Variants in AGBL3 observed in about 807,000 individuals in gnomAD.
The protein encoded by AGBL3 is cytosolic carboxypeptidase 3.
A neutral mutation model predicts 94.5 loss-of-function variants in AGBL3; 68 were observed. That is an observed-to-expected ratio of 0.72 (90% CI 0.59 to 0.88). AGBL3 has a LOEUF of 0.88. Ranked by LOEUF, AGBL3 falls within the 40% of genes least tolerant of loss-of-function variation. The pLI is 0.00. For missense variants in AGBL3, 934 were observed against 1,103.8 expected (o/e 0.85, Z 2.18); for synonymous variants, 354 against 370.7 (o/e 0.95, Z 0.52).
chr7:135,005,496 G>T (rs1210698892), intron 4 of AGBL3, among the ~76,000 whole-genome samples: 1 of 151,692 alleles, frequency 6.6e-6, no homozygotes, highest in Non-Finnish European at 1.5e-5. Flanking sequence ...CCATGTTCAT[G>T]ATTAGGACTC....
At chr7:135,068,367 T>A (rs1819559690) in intron 12 of AGBL3, among the ~76,000 whole-genome samples, 1 of 152,046 alleles carries the variant, frequency 6.6e-6, no homozygotes, top group African/African-American at 2.4e-5. Flanking sequence ...AACATTCAAA[T>A]TCAGGAAATA....
intron 12 of AGBL3, among the ~76,000 whole-genome samples, chr7:135,076,063 T>C (rs1210334923): frequency 6.6e-6 from 1 of 152,210 alleles, no homozygotes; most frequent in Non-Finnish European, 1.5e-5. Context: ...AGGAACAGGC[T>C]TATGTAGGGA....
rs907762416 is a variant in AGBL3, at chr7:135,093,020, T to C, written c.2110+11230T>C. The stretch of plus-strand genomic sequence containing the variant: ...GAGACACTCAACAAATTAGGAAAGA[T>C]AGAATCTTCCTCTACTAAAAAAAAA... On this transcript the variant is annotated intron_variant, in intron 15 of 16. Coordinates refer to ENST00000436302, the MANE Select transcript of AGBL3 (RefSeq NM_178563.4). 8 of 144,520 alleles carry C rather than the reference T, an allele frequency of 5.5e-5. 1 individual carries two copies. Among genetic ancestry groups the C allele is most frequent in the African/African-American group, 2.0e-4 (8 of 39,554 alleles). 9.0% of individuals were successfully genotyped at this position (144,520 alleles called of 1,614,324 possible). A position where few individuals can be genotyped will look rare whatever the true frequency, so the allele number is the denominator to read the frequency against.
intron 11 of AGBL3, among the ~76,000 whole-genome samples, chr7:135,046,179 TTC>T (rs1013596583): frequency 3.9e-5 from 6 of 152,150 alleles, no homozygotes; most frequent in Admixed American, 3.9e-4. Context: ...GTTTTCGTTT[TTC>T]TCTTTCTTTT....
At chr7:135,066,236 G>A (rs1819287990) in intron 12 of AGBL3, among the ~76,000 whole-genome samples, 1 of 152,014 alleles carries the variant, frequency 6.6e-6, no homozygotes, top group Non-Finnish European at 1.5e-5. Context: ...ATCTGAACAG[G>A]GGGTAATCTC....
At chr7:135,033,111 A>G (rs1280742083) in intron 6 of AGBL3, 129 bp downstream of exon 6, 9 of 999,236 alleles carry the variant, frequency 9.0e-6, no homozygotes, top group Non-Finnish European at 1.2e-5. Context: ...ATTAATAATT[A>G]GAAATTGTTG....
At position 135,128,929 on chromosome 7, in the gene AGBL3, A is replaced by G. The variant is rs899792830; in HGVS notation, c.2343-5912A>G. The G allele has an allele frequency of 2.6e-6, 4 of 1,541,556 alleles. No individual in the cohort carries two copies. In the East Asian group the frequency reaches 6.7e-5, roughly 26 times the overall value. On this transcript the variant is annotated intron_variant, in intron 16 of 16. Coordinates refer to ENST00000436302, the MANE Select transcript of AGBL3 (RefSeq NM_178563.4). ...TTTAATAGTAATTTGTTCCTGTGCA[A>G]TATCTGTTTCTGTAAGAAGCTGGGT...
At position 135,053,208 on chromosome 7, in the gene AGBL3, A is replaced by G. The variant is rs551671238; in HGVS notation, c.1842-5961A>G. 5.3e-5 allele frequency among the ~76,000 whole-genome samples: 8 copies of G among 152,298 alleles called. No individual in the cohort carries two copies. In the East Asian group the frequency reaches 1.5e-3, roughly 29 times the overall value. ...GGCCACACCAGAAGTGATGGGTGAA[A>G]AATGCGTGAAGCTGACTTTCAGGAC... is the stretch of plus-strand genomic sequence containing the variant. On this transcript the variant is annotated intron_variant, in intron 11 of 16. Transcript: ENST00000436302.
At chr7:135,057,892 C>T (rs752468115) in intron 11 of AGBL3, among the ~76,000 whole-genome samples, 6 of 151,956 alleles carry the variant, frequency 3.9e-5, no homozygotes, top group Admixed American at 1.3e-4. Flanking sequence ...CTATATGATC[C>T]CAGCTATATG....
Position 135,076,463 on chromosome 7 carries a change from CA to C in AGBL3, c.1977del (p.Glu660ArgfsTer19). ...TIASHQNARG[Q>X]EVYDRGHLLQ... ...AGCAAGCCACCAAAATGCCAGAGGA[CA>C]AGAGGTAAATCTTCATTAATCTAGT... On this transcript the variant is annotated frameshift_variant, in exon 13 of 17. Coordinates refer to ENST00000436302, the MANE Select transcript of AGBL3 (RefSeq NM_178563.4). LOFTEE classifies it high-confidence loss of function. 1 of 1,544,830 alleles carries C rather than the reference CA, an allele frequency of 6.5e-7. No homozygotes were observed. The highest frequency in any genetic ancestry group is 8.8e-7 in the Non-Finnish European group (1 of 1,141,386).
intron 15 of AGBL3, among the ~76,000 whole-genome samples, chr7:135,099,301 A>G (rs1290698747): frequency 6.6e-6 from 1 of 152,100 alleles, no homozygotes; most frequent in South Asian, 2.1e-4. Flanking sequence ...AGGTATTTAT[A>G]TTGTTTGCTG....
chr7:135,128,585 G>A (rs1218929607), intron 16 of AGBL3: 7 of 771,572 alleles, frequency 9.1e-6, no homozygotes, highest in Non-Finnish European at 1.7e-5. Flanking sequence ...CAAGATGTTT[G>A]TGAGCGCTAT....
intron 10 of AGBL3, 42 bp downstream of exon 10, chr7:135,045,616 T>C (rs1584932752): frequency 6.7e-7 from 1 of 1,499,502 alleles, no homozygotes; most frequent in Non-Finnish European, 9.1e-7. Flanking sequence ...CTCCAGCCTA[T>C]CAGATAACAT....
At chr7:135,026,814 G>A (rs1476382131) in intron 5 of AGBL3, among the ~76,000 whole-genome samples, 1 of 151,306 alleles carries the variant, frequency 6.6e-6, no homozygotes, top group East Asian at 2.1e-4. Flanking sequence ...CTTTTAATTA[G>A]AGTGGTTTGA....
At chr7:135,072,199 C>A (rs529227802) in intron 12 of AGBL3, among the ~76,000 whole-genome samples, 3 of 152,288 alleles carry the variant, frequency 2.0e-5, no homozygotes, top group Admixed American at 2.0e-4. Context: ...AAAGGCAAAT[C>A]AAAACCGCAA....
At chr7:135,132,462 G>A (rs1206913704) in intron 16 of AGBL3, among the ~76,000 whole-genome samples, 4 of 152,144 alleles carry the variant, frequency 2.6e-5, no homozygotes, top group African/African-American at 7.2e-5. Context: ...ACAGAATTCA[G>A]TACCCATCCA....
At chr7:135,046,062 T>C (rs1817328743) in intron 11 of AGBL3, among the ~76,000 whole-genome samples, 151 bp downstream of exon 11, 1 of 152,208 alleles carries the variant, frequency 6.6e-6, no homozygotes, top group Non-Finnish European at 1.5e-5. Context: ...TTGGCCAGAC[T>C]TCATTAAGAC....
At chr7:135,022,179 A>G (rs1010015847) in intron 5 of AGBL3, among the ~76,000 whole-genome samples, 6 of 152,192 alleles carry the variant, frequency 3.9e-5, no homozygotes, top group Admixed American at 3.9e-4. Context: ...TTGGGTATAT[A>G]CCCAGTAATA....
chr7:135,110,178 GCT>G (rs1291910692), intron 15 of AGBL3, among the ~76,000 whole-genome samples: 1 of 152,096 alleles, frequency 6.6e-6, no homozygotes, highest in African/African-American at 2.4e-5. Context: ...CCCTCTGGGA[GCT>G]CTGTCTCAGG....
Sources: allele counts gnomAD v4.1 joint callset (sites outside exome capture counted in the v4.1 genomes callset), GRCh38; gene constraint gnomAD v4.1.1; transcripts MANE v1.5; gene names NCBI Gene and HGNC (gene_info 2026-07-23, HGNC 2026-07-21).